The following NKTR variants were observed in gnomAD, a reference collection of about 807,000 sequenced individuals.
The protein encoded by NKTR is NK-tumor recognition protein.
A neutral mutation model predicts 156.3 loss-of-function variants in NKTR; 67 were observed. That is an observed-to-expected ratio of 0.43 (90% CI 0.35 to 0.53). The LOEUF is 0.53. Among genes scored for constraint, NKTR ranks in the 20% least tolerant of loss-of-function variants. NKTR has a pLI of 0.01. For missense variants in NKTR, 1,604 were observed against 1,730.9 expected, an observed-to-expected ratio of 0.93 and a Z score of 1.30; for synonymous variants, 640 against 596.6, an observed-to-expected ratio of 1.07 and a Z score of -1.06.
In NKTR at chr3:42,637,258, A is replaced by C; in HGVS notation, c.1554A>C (p.Ser518=). The change falls in exon 13 of 17, where the codon TCA becomes TCC. Residue 518 remains serine (S), a synonymous_variant. Transcript: ENST00000232978. The part of the protein sequence containing the change: ...QSSLTHSSRD[S]YRSKSHSQSY... ...CTTTAACCCATTCCAGCAGAGACTC[A>C]TACAGATCAAAATCTCACTCACAGT... 1.2e-6 allele frequency: 2 copies of C among 1,613,708 alleles called. No homozygotes were observed. The highest frequency in any genetic ancestry group is 1.7e-6 in the Non-Finnish European group (2 of 1,179,912).
chr3:42,631,657 A>G (rs899203235), intron 8 of NKTR, among the ~76,000 whole-genome samples: 1 of 152,130 alleles, frequency 6.6e-6, no homozygotes, highest in African/African-American at 2.4e-5. Flanking sequence ...TCTGTCCTTA[A>G]CAGCAACCAG....
At chr3:42,641,394 A>C (rs573274222) in intron 13 of NKTR, among the ~76,000 whole-genome samples, 77 of 152,290 alleles carry the variant, frequency 5.1e-4, no homozygotes, top group African/African-American at 1.6e-3. Flanking sequence ...TCACCTGTAC[A>C]CAGAGGTATT....
intron 2 of NKTR, among the ~76,000 whole-genome samples, chr3:42,603,372 A>AAC (rs1705799200): frequency 2.0e-5 from 3 of 151,128 alleles, no homozygotes; most frequent in African/African-American, 7.3e-5. Flanking sequence ...AAAAAAAAAA[A>AAC]AAAAAAAAAA....
In NKTR at chr3:42,633,688, A is replaced by T. The variant is rs757544015; in HGVS notation, c.882A>T (p.Arg294=). Residue 294 remains arginine, a synonymous_variant, in exon 10 of 17, where the codon CGA becomes CGT. Transcript: ENST00000232978. ...AGATTCCTCCAGTGCCTGAGAACCG[A>T]TTTTTACTGAGAAGAGATATGCCTG... is the stretch of plus-strand genomic sequence containing the variant. ...PEEIPPVPEN[R]FLLRRDMPVV... 1 of 1,614,064 alleles carries T rather than the reference A, an allele frequency of 6.2e-7. No individual in the cohort carries two copies. The highest frequency in any genetic ancestry group is 8.5e-7 in the Non-Finnish European group (1 of 1,179,946).
intron 6 of NKTR, chr3:42,629,559 A>T (rs1236284397): frequency 7.1e-6 from 7 of 984,396 alleles, no homozygotes; most frequent in Non-Finnish European, 8.4e-6. Context: ...CTTCTAGTAC[A>T]GTTGACTGCT....
At chr3:42,610,336 A>T (rs1417429906) in intron 2 of NKTR, among the ~76,000 whole-genome samples, 11 of 152,162 alleles carry the variant, frequency 7.2e-5, no homozygotes, top group Admixed American at 7.2e-4. Context: ...AAAGAGCATT[A>T]AACAGTAGTG....
intron 6 of NKTR, chr3:42,629,016 A>G (rs1391912786): frequency 1.3e-6 from 1 of 797,866 alleles, no homozygotes; most frequent in Non-Finnish European, 1.5e-6. Context: ...TAAACAAACA[A>G]ATAAAAATAA....
At position 42,636,756 on chromosome 3, in the gene NKTR, G is replaced by A. The variant is rs981194603; in HGVS notation, c.1164-112G>A. 1.0e-4 allele frequency: 141 copies of A among 1,404,596 alleles called. No individual in the cohort carries two copies. The Admixed American group carries it at 1.4e-3, about 13-fold the overall frequency. The allele number at this position is 1,404,596 out of a possible 1,614,324, so 87.0% of individuals were successfully genotyped here. ...TATAACTCTGATTCACGCTTCCTGC[G>A]TGTGCTTAAAGTGTTAATGGGGTCA... is the stretch of plus-strand genomic sequence containing the variant. On this transcript the variant is annotated intron_variant, in intron 12 of 16. Coordinates refer to ENST00000232978, the MANE Select transcript of NKTR (RefSeq NM_005385.4).
rs1030407825 is a variant in NKTR, at chr3:42,638,364, C to G, written c.2660C>G (p.Ser887Cys). ...RKNYAGSKWD[S>C]ESNSERDVTK... ...AATTATGCTGGTAGTAAATGGGACT[C>G]TGAGTCAAATTCAGAACGAGATGTC... The change falls in exon 13 of 17, where the codon TCT becomes TGT. Residue 887 changes from serine (S) to cysteine (C), a missense_variant. Around this residue, in one of 6 missense-constraint regions of NKTR, gnomAD observed 1,255 missense variants for 1,243.7 expected, o/e 1.01. Coordinates refer to ENST00000232978, the MANE Select transcript of NKTR (RefSeq NM_005385.4). 2 of 1,613,788 alleles carry G rather than the reference C, an allele frequency of 1.2e-6. No individual in the cohort carries two copies. Among genetic ancestry groups the G allele is most frequent in the Non-Finnish European group, 1.7e-6 (2 of 1,179,906 alleles).
At chr3:42,600,927 T>TCGCCCCC in intron 1 of NKTR, 57 bp from the exon 2 acceptor site, 1 of 1,006,710 alleles carries the variant, frequency 9.9e-7, no homozygotes, top group Non-Finnish European at 1.4e-6. Flanking sequence ...CCCTCGCCCC[T>TCGCCCCC]GCCCTCGCCC....
chr3:42,608,639 A>G (rs1706472740), intron 2 of NKTR, among the ~76,000 whole-genome samples: 1 of 152,200 alleles, frequency 6.6e-6, no homozygotes, highest in Admixed American at 6.5e-5. Context: ...ATCAATTATT[A>G]ACTGAATCTC....
At chr3:42,632,348 G>C (rs1006336979) in intron 8 of NKTR, among the ~76,000 whole-genome samples, 1 of 151,982 alleles carries the variant, frequency 6.6e-6, no homozygotes, top group South Asian at 2.1e-4. Flanking sequence ...TAGGATTACA[G>C]ATATGAGTCA....
intron 2 of NKTR, among the ~76,000 whole-genome samples, chr3:42,613,175 T>C (rs1180243254): frequency 6.6e-6 from 1 of 152,294 alleles, no homozygotes; most frequent in Non-Finnish European, 1.5e-5. Flanking sequence ...TTCATACTAA[T>C]GATAGCTCAT....
At chr3:42,644,978 TTGTGTGTGTG>T (rs35077404) in intron 16 of NKTR, among the ~76,000 whole-genome samples, 3 of 150,806 alleles carry the variant, frequency 2.0e-5, no homozygotes, top group African/African-American at 7.3e-5. Flanking sequence ...TTTTGTGTCT[TTGTGTGTGTG>T]TGTGTGTGTT....
At chr3:42,644,958 C>A (rs764103518) in intron 16 of NKTR, among the ~76,000 whole-genome samples, 3 of 149,474 alleles carry the variant, frequency 2.0e-5, no homozygotes, top group Non-Finnish European at 4.4e-5. Flanking sequence ...CCCCAGAGAA[C>A]TATACTTGGT....
intron 3 of NKTR, among the ~76,000 whole-genome samples, chr3:42,618,306 G>C: frequency 6.7e-6 from 1 of 149,002 alleles, no homozygotes; most frequent in East Asian, 2.0e-4. Flanking sequence ...AGCCAAGATT[G>C]CGCCATTGCA....
In NKTR at chr3:42,611,917, A is replaced by G. The variant is rs577728755; in HGVS notation, c.59-5653A>G. On this transcript the variant is annotated intron_variant, in intron 2 of 16. Transcript: ENST00000232978. ...TGAAATTATTTTTACCCTGGGCAAC[A>G]TAGTGAGACCTTGTCTCAACAAAAA... Among the ~76,000 whole-genome samples the G allele has an allele frequency of 5.9e-5, 9 of 152,144 alleles. No individual in the cohort carries two copies. The South Asian group carries it at 1.9e-3, about 32-fold the overall frequency.
chr3:42,630,130 T>C, intron 6 of NKTR: 1 of 994,928 alleles, frequency 1.0e-6, no homozygotes, highest in African/African-American at 1.7e-5. Flanking sequence ...ATCACTTTCT[T>C]TCCATAGGGC....
At chr3:42,643,044 T>G (rs1388579852) in intron 14 of NKTR, among the ~76,000 whole-genome samples, 1 of 152,192 alleles carries the variant, frequency 6.6e-6, no homozygotes, top group Admixed American at 6.5e-5. Context: ...CTGCTGTCAC[T>G]TCACTTTACT....
Sources: allele counts gnomAD v4.1 joint callset (sites outside exome capture counted in the v4.1 genomes callset), GRCh38; gene constraint gnomAD v4.1.1; regional missense constraint gnomAD v4.1.1; transcripts MANE v1.5; gene names NCBI Gene and HGNC (gene_info 2026-07-23, HGNC 2026-07-21).